Variants in TVP23C observed in about 807,000 individuals in gnomAD.
TVP23C encodes Golgi apparatus membrane protein TVP23 homolog C.
Under a neutral mutation model 28.7 loss-of-function variants are expected in TVP23C, and 19 were observed. The ratio of observed to expected loss-of-function variants is 0.66; its 90% CI spans 0.46 to 0.97. TVP23C has a LOEUF of 0.97. Ranked by LOEUF, TVP23C falls within the 50% of genes least tolerant of loss-of-function variation. The pLI, the probability that TVP23C is intolerant of heterozygous loss-of-function variation, is 0.00. For missense variants in TVP23C, 186 were observed against 241.3 expected (o/e 0.77, Z 1.52); for synonymous variants, 68 against 81.7 (o/e 0.83, Z 0.90).
rs775248268 is a variant in TVP23C at position 15,547,080 on chromosome 17, A to G, written c.309T>C (p.His103=). The G allele has an allele frequency of 1.2e-5, 19 of 1,606,428 alleles. No homozygotes were observed. The Admixed American group carries it at 1.2e-4, about 10-fold the overall frequency. The change falls in exon 4 of 6, where the codon CAT becomes CAC. Residue 103 remains histidine, a synonymous_variant. Transcript: ENST00000518321. Reference sequence around the variant, plus strand: ...TTACCTTTCTAGATTCAAACACCCAATGGCTCTTTCCATCTTCATCAATGT... The same window carrying G: ...TTACCTTTCTAGATTCAAACACCCAGTGGCTCTTTCCATCTTCATCAATGT... ...WNHIDEDGKS[H]WVFESRKESS...
intron 5 of TVP23C, among the ~76,000 whole-genome samples, chr17:15,525,733 G>A (rs746065458): frequency 3.9e-5 from 6 of 152,180 alleles, no homozygotes; most frequent in African/African-American, 7.2e-5. Flanking sequence ...TCTCTGGCAC[G>A]AGACCCACAT....
intron 5 of TVP23C, among the ~76,000 whole-genome samples, chr17:15,504,780 C>G (rs563379726): frequency 6.6e-6 from 1 of 152,244 alleles, no homozygotes; most frequent in African/African-American, 2.4e-5. Context: ...AAATGATCCT[C>G]TCTCCTCAGC....
chr17:15,535,990 G>A (rs994039544), downstream of TVP23C, among the ~76,000 whole-genome samples: 5 of 152,140 alleles, frequency 3.3e-5, no homozygotes, highest in Admixed American at 6.5e-5. Flanking sequence ...TCAGGAATTC[G>A]AGACTAGCCT....
rs1375843812 is a variant in TVP23C at position 15,538,775 on chromosome 17, A to G, written c.*1637T>C. 1 of 985,150 alleles carries G rather than the reference A, an allele frequency of 1.0e-6. No individual in the cohort carries two copies. The highest frequency in any genetic ancestry group is 6.2e-5 in the Admixed American group (1 of 16,258). The allele number at this position is 985,150 out of a possible 1,614,324, so 61.0% of individuals were successfully genotyped here. On this transcript the variant is annotated 3_prime_UTR_variant, in exon 6 of 6. Coordinates refer to ENST00000518321, the MANE Select transcript of TVP23C (RefSeq NM_001135036.2). ...TCACCTGTATTCCATGTTCCTCCCC[A>G]CCTTCAGAAACACTGAAAATTCTAA...
intron 3 of TVP23C, among the ~76,000 whole-genome samples, chr17:15,551,659 CATT>C (rs1983895023): frequency 7.4e-6 from 1 of 135,784 alleles, no homozygotes; most frequent in South Asian, 2.6e-4. Context: ...TTTCTTAAAA[CATT>C]ATGAGATTTT....
intron 3 of TVP23C, among the ~76,000 whole-genome samples, chr17:15,553,315 T>C (rs1020076042): frequency 1.3e-5 from 2 of 151,642 alleles, no homozygotes; most frequent in African/African-American, 4.9e-5. Context: ...TGGGGCCTTA[T>C]CTAGAAATTA....
chr17:15,534,229 A>G (rs1052030718), downstream of TVP23C, among the ~76,000 whole-genome samples: 10 of 151,812 alleles, frequency 6.6e-5, no homozygotes, highest in Non-Finnish European at 1.3e-4. Context: ...AAACTGTCCT[A>G]TGCTCTTCAG....
chr17:15,535,411 CACAGTGTAG>C (rs1440606526), downstream of TVP23C, among the ~76,000 whole-genome samples: 1 of 150,534 alleles, frequency 6.6e-6, no homozygotes, highest in African/African-American at 2.5e-5. Flanking sequence ...GGAGAAACTA[CACAGTGTAG>C]GTGTTCCAAC....
Position 15,511,126 on chromosome 17 carries a change from C to T in TVP23C, c.463-7894G>A, listed in dbSNP as rs113530641. The stretch of plus-strand genomic sequence containing the variant: ...CAGGTCATGGGACCTTAGACAAGCC[C>T]CTTCCTGCATTTCATAGCTAGGGAA... On this transcript the variant is annotated intron_variant, in intron 5 of 5. Coordinates refer to the TVP23C transcript ENST00000225576. Among the ~76,000 whole-genome samples the T allele has an allele frequency of 2.3e-3, 342 of 151,862 alleles. 1 individual carries two copies. The highest frequency in any genetic ancestry group is 8.1e-3 in the African/African-American group (335 of 41,400).
chr17:15,506,539 G>A (rs906719410), intron 5 of TVP23C, among the ~76,000 whole-genome samples: 5 of 152,222 alleles, frequency 3.3e-5, no homozygotes, highest in African/African-American at 7.2e-5. Flanking sequence ...GGCTGTGGGC[G>A]CCAGCAGTGG....
intron 5 of TVP23C, among the ~76,000 whole-genome samples, chr17:15,543,462 A>C (rs1983509980): frequency 6.6e-6 from 1 of 151,514 alleles, no homozygotes. Flanking sequence ...AAAAAAACCC[A>C]CCAAAATAAA....
At chr17:15,518,129 C>T (rs1390172104) in intron 5 of TVP23C, among the ~76,000 whole-genome samples, 2 of 145,926 alleles carry the variant, frequency 1.4e-5, no homozygotes, top group African/African-American at 5.1e-5. Context: ...GATCACATCA[C>T]TGCACTGCAG....
intron 5 of TVP23C, among the ~76,000 whole-genome samples, chr17:15,505,223 G>A (rs992454797): frequency 1.3e-5 from 2 of 152,180 alleles, no homozygotes; most frequent in East Asian, 3.9e-4. Flanking sequence ...GCATGTCAGT[G>A]TTTAGAAAAT....
In TVP23C at chr17:15,537,778, A is replaced by G. The variant is rs1567638679; in HGVS notation, c.*2634T>C. On this transcript the variant is annotated 3_prime_UTR_variant, in exon 6 of 6. Coordinates refer to ENST00000518321, the MANE Select transcript of TVP23C (RefSeq NM_001135036.2). ...GACTAAGAACATCCTCCTATGTTCT[A>G]TGGATCAAAATGCAAAGGTCTCCAT... The G allele has an allele frequency of 9.4e-7, 1 of 1,068,584 alleles. No individual in the cohort carries two copies. The highest frequency in any genetic ancestry group is 1.1e-6 in the Non-Finnish European group (1 of 883,982). 66.2% of individuals were successfully genotyped at this position (1,068,584 alleles called of 1,614,324 possible). A position where few individuals can be genotyped will look rare whatever the true frequency, so the allele number is the denominator to read the frequency against.
chr17:15,505,902 A>C (rs1025353610), intron 5 of TVP23C, among the ~76,000 whole-genome samples: 3 of 152,120 alleles, frequency 2.0e-5, no homozygotes, highest in Non-Finnish European at 1.5e-5. Flanking sequence ...TCGATTTCTC[A>C]CCGAGCCTTA....
rs75859327 is a variant in TVP23C at position 15,539,023 on chromosome 17, C to T, written c.*1389G>A. 1.4e-3 allele frequency: 1,366 copies of T among 985,218 alleles called. 15 individuals carry two copies. In the African/African-American group the frequency reaches 0.022, roughly 16 times the overall value. 61.0% of individuals were successfully genotyped at this position (985,218 alleles called of 1,614,324 possible). ...GCTGGGTTTAAGATCTAGCTTTGTA[C>T]CACTATTAGCTGTATAATCTTAAGT... On this transcript the variant is annotated 3_prime_UTR_variant, in exon 6 of 6. Coordinates refer to ENST00000518321, the MANE Select transcript of TVP23C (RefSeq NM_001135036.2).
At chr17:15,511,800 T>C (rs1053842037) in intron 5 of TVP23C, among the ~76,000 whole-genome samples, 1 of 152,190 alleles carries the variant, frequency 6.6e-6, no homozygotes, top group Non-Finnish European at 1.5e-5. Flanking sequence ...ACTTTCAATA[T>C]CTAATGTGAT....
chr17:15,503,395 A>ACTGT, intron 5 of TVP23C: 1 of 882,502 alleles, frequency 1.1e-6, no homozygotes, highest in South Asian at 2.1e-5. Context: ...ACAGAGCAAG[A>ACTGT]CCATGATATT....
chr17:15,556,448 G>T (rs1984136656), intron 1 of TVP23C, among the ~76,000 whole-genome samples: 1 of 147,798 alleles, frequency 6.8e-6, no homozygotes, highest in African/African-American at 2.5e-5. Flanking sequence ...TGCAACCTCT[G>T]CCTCCTGGGT....
Sources: gnomAD v4.1 joint callset for allele counts (sites outside exome capture counted in the v4.1 genomes callset) on GRCh38, gnomAD v4.1.1 for gene constraint, MANE v1.5 for transcripts, NCBI Gene and HGNC (gene_info 2026-07-23, HGNC 2026-07-21) for gene names.